Variants in MAP3K13 observed in about 807,000 individuals in gnomAD.
The protein encoded by MAP3K13 is leucine zipper-bearing kinase.
A neutral mutation model predicts 104.0 loss-of-function variants in MAP3K13; 52 were observed. The ratio of observed to expected loss-of-function variants is 0.50; its 90% CI spans 0.40 to 0.63. The LOEUF (loss-of-function observed/expected upper bound fraction) is 0.63, where lower values mean the gene tolerates loss of function less well. MAP3K13 is among the 20% of genes least tolerant of loss of function. MAP3K13 has a pLI of 0.00. For synonymous variants in MAP3K13, 394 were observed against 442.2 expected (o/e 0.89, Z 1.37); for missense variants, 914 against 1,218.5 (o/e 0.75, Z 3.72).
chr3:185,351,330 A>G (rs1261550512), intron 2 of MAP3K13, among the ~76,000 whole-genome samples: 3 of 152,192 alleles, frequency 2.0e-5, no homozygotes, highest in East Asian at 1.9e-4. Flanking sequence ...ACCTGCACAT[A>G]TATGCCTGAA....
At chr3:185,389,864 T>C (rs970929911) in intron 1 of MAP3K13, among the ~76,000 whole-genome samples, 4 of 152,190 alleles carry the variant, frequency 2.6e-5, no homozygotes, top group African/African-American at 9.6e-5. Flanking sequence ...AACATTTTCT[T>C]TCATGAAAAA....
In MAP3K13 at chr3:185,484,326, A is replaced by AT. The variant is rs1718621308; in HGVS notation, c.*1877dup. ...CATGGTGCCTTGGCCTTAAGGAAAA[A>AT]TTTTTTTAGAATTTTATGTACAAAT... On this transcript the variant is annotated 3_prime_UTR_variant, in exon 14 of 14. Transcript: ENST00000265026. The AT allele has an allele frequency of 6.6e-6, 1 of 152,054 alleles. No individual in the cohort carries two copies. The highest frequency in any genetic ancestry group is 1.5e-5 in the Non-Finnish European group (1 of 68,014). The allele number at this position is 152,054 out of a possible 1,614,324, so 9.4% of individuals were successfully genotyped here.
chr3:185,432,161 T>C (rs796336676), intron 2 of MAP3K13, among the ~76,000 whole-genome samples: 104 of 147,694 alleles, frequency 7.0e-4, no homozygotes, highest in African/African-American at 2.5e-3. Context: ...CTTTCCACAA[T>C]CCAGAGATAA....
intron 2 of MAP3K13, among the ~76,000 whole-genome samples, chr3:185,334,187 A>AAT (rs1001494838): frequency 2.0e-5 from 3 of 152,188 alleles, no homozygotes; most frequent in East Asian, 1.9e-4. Flanking sequence ...TAGAAAGTGC[A>AAT]ATATATATAT....
chr3:185,370,782 A>G (rs1294675412), intron 1 of MAP3K13, among the ~76,000 whole-genome samples: 1 of 142,372 alleles, frequency 7.0e-6, no homozygotes, highest in East Asian at 2.2e-4. Context: ...TAGACTAGTG[A>G]TTTGGTGATC....
At chr3:185,367,502 T>G (rs954978298) in intron 1 of MAP3K13, among the ~76,000 whole-genome samples, 5 of 152,192 alleles carry the variant, frequency 3.3e-5, no homozygotes, top group African/African-American at 1.2e-4. Flanking sequence ...TTGAGTTTTC[T>G]TGTTATTCAC....
At chr3:185,460,419 T>C (rs554565676) in intron 7 of MAP3K13, among the ~76,000 whole-genome samples, 10 of 152,304 alleles carry the variant, frequency 6.6e-5, no homozygotes, top group Middle Eastern at 3.4e-3. Context: ...TCAGGCCTTG[T>C]AGTGAAACGA....
At chr3:185,370,787 G>A (rs910169866) in intron 1 of MAP3K13, among the ~76,000 whole-genome samples, 1 of 148,280 alleles carries the variant, frequency 6.7e-6, no homozygotes, top group African/African-American at 2.5e-5. Context: ...TAGTGATTTG[G>A]TGATCTGGGC....
intron 7 of MAP3K13, among the ~76,000 whole-genome samples, chr3:185,453,856 T>TATATATATGATACATATATATGAG (rs1716047047): frequency 2.4e-4 from 1 of 4,252 alleles, no homozygotes; most frequent in African/African-American, 4.0e-4. Context: ...ATATATGAGA[T>TATATATATGATACATATATATGAG]ATATATATAT....
chr3:185,304,943 C>G (rs1415070297), intron 2 of MAP3K13, among the ~76,000 whole-genome samples: 1 of 152,086 alleles, frequency 6.6e-6, no homozygotes, highest in Non-Finnish European at 1.5e-5. Context: ...CCCCTGTTCT[C>G]TTTTGGTTAT....
intron 1 of MAP3K13, among the ~76,000 whole-genome samples, chr3:185,416,431 A>G (rs1713774629): frequency 6.6e-6 from 1 of 151,806 alleles, no homozygotes; most frequent in Non-Finnish European, 1.5e-5. Context: ...CTACTCTATG[A>G]GGTGGATTCT....
At chr3:185,427,621 C>T (rs1037990309) in intron 1 of MAP3K13, among the ~76,000 whole-genome samples, 11 of 152,138 alleles carry the variant, frequency 7.2e-5, no homozygotes, top group African/African-American at 2.7e-4. Flanking sequence ...ATCTCCATGA[C>T]TTAATGAATG....
chr3:185,370,986 A>C (rs1724132857), intron 1 of MAP3K13, among the ~76,000 whole-genome samples: 1 of 152,198 alleles, frequency 6.6e-6, no homozygotes, highest in Admixed American at 6.5e-5. Flanking sequence ...AGACTATATT[A>C]AATTGAAAAA....
intron 2 of MAP3K13, among the ~76,000 whole-genome samples, chr3:185,342,764 A>G (rs1366842350): frequency 6.6e-6 from 1 of 152,152 alleles, no homozygotes; most frequent in Non-Finnish European, 1.5e-5. Flanking sequence ...CTGCGTAACA[A>G]TATAATCACA....
At chr3:185,442,528 CT>C (rs1035923216) in intron 3 of MAP3K13, among the ~76,000 whole-genome samples, 4 of 148,418 alleles carry the variant, frequency 2.7e-5, no homozygotes, top group East Asian at 3.9e-4. Flanking sequence ...TAAATTATTC[CT>C]TTTTTTTCTT....
At chr3:185,480,161 A>G (rs1370159026) in intron 12 of MAP3K13, 71 bp from the exon 13 acceptor site, 1 of 1,436,344 alleles carries the variant, frequency 7.0e-7, no homozygotes, top group African/African-American at 1.4e-5. Context: ...TACCACTACT[A>G]TGAGTGACAG....
At chr3:185,380,960 T>G (rs988116899) in intron 1 of MAP3K13, among the ~76,000 whole-genome samples, 11 of 147,670 alleles carry the variant, frequency 7.4e-5, no homozygotes, top group Admixed American at 1.3e-4. Flanking sequence ...TTTTTTTTTG[T>G]TTTTTTTTGT....
chr3:185,419,792 A>T (rs1178807707), intron 1 of MAP3K13, among the ~76,000 whole-genome samples: 7 of 152,148 alleles, frequency 4.6e-5, no homozygotes, highest in Admixed American at 4.6e-4. Flanking sequence ...TTATGATATG[A>T]TTTATGGATA....
intron 2 of MAP3K13, among the ~76,000 whole-genome samples, chr3:185,302,400 G>A (rs768978158): frequency 1.3e-5 from 2 of 152,122 alleles, no homozygotes; most frequent in East Asian, 1.9e-4. Flanking sequence ...GTGACAGAGC[G>A]AGACTGTCTG....
Sources: allele counts gnomAD v4.1 joint callset (sites outside exome capture counted in the v4.1 genomes callset), GRCh38; gene constraint gnomAD v4.1.1; transcripts MANE v1.5; gene names NCBI Gene and HGNC (gene_info 2026-07-23, HGNC 2026-07-21).